ENTREP2: variants seen among roughly 807,000 people sequenced by gnomAD.
ENTREP2 encodes protein ENTREP2.
chr15:29,479,985 T>C, the ENTREP2 span, among the ~76,000 whole-genome samples: 40 of 152,238 alleles, frequency 2.6e-4, 1 homozygote, highest in African/African-American at 8.9e-4. Context: ...TCAACAGATA[T>C]ATCCCCTACT....
At chr15:29,664,009 C>G in the ENTREP2 span, among the ~76,000 whole-genome samples, 1 of 137,932 alleles carries the variant, frequency 7.2e-6, no homozygotes, top group African/African-American at 2.8e-5. Flanking sequence ...GCCTGGGCAA[C>G]AAGAGTGAAA....
the ENTREP2 span, among the ~76,000 whole-genome samples, chr15:29,576,784 TC>T: frequency 6.6e-6 from 1 of 152,156 alleles, no homozygotes. Context: ...TTCACACCCA[TC>T]AGGATAGCTA....
chr15:29,383,687 C>T, the ENTREP2 span, among the ~76,000 whole-genome samples: 1 of 152,164 alleles, frequency 6.6e-6, no homozygotes, highest in African/African-American at 2.4e-5. Context: ...TCAACCACCT[C>T]CACAGGGGGC....
the ENTREP2 span, among the ~76,000 whole-genome samples, chr15:29,567,943 A>G: frequency 6.6e-6 from 1 of 152,208 alleles, no homozygotes; most frequent in East Asian, 1.9e-4. Flanking sequence ...GGATTTCTTT[A>G]TGAAGCCAGC....
the ENTREP2 span, among the ~76,000 whole-genome samples, chr15:29,206,951 A>C: frequency 6.6e-6 from 1 of 152,244 alleles, no homozygotes; most frequent in South Asian, 2.1e-4. Flanking sequence ...ACCAATCAAA[A>C]CTACCTTCAC....
the ENTREP2 span, among the ~76,000 whole-genome samples, chr15:29,578,487 G>A: frequency 1.4e-4 from 22 of 152,270 alleles, no homozygotes; most frequent in Middle Eastern, 3.4e-3. Context: ...GTCTTTGTTC[G>A]TTAGGTTTAA....
the ENTREP2 span, among the ~76,000 whole-genome samples, chr15:29,279,879 T>C: frequency 6.6e-6 from 1 of 152,112 alleles, no homozygotes; most frequent in African/African-American, 2.4e-5. Flanking sequence ...GAAAGTCAGG[T>C]GGTGTGCCTT....
the ENTREP2 span, among the ~76,000 whole-genome samples, chr15:29,180,032 C>T: frequency 6.6e-6 from 1 of 152,044 alleles, no homozygotes; most frequent in African/African-American, 2.4e-5. Context: ...GAAGAAGAGT[C>T]TACAGAGACG....
At chr15:29,610,425 A>T in the ENTREP2 span, 1 of 150,588 alleles carries the variant, frequency 6.6e-6, no homozygotes, top group Non-Finnish European at 1.5e-5. Context: ...GCGATGCTTC[A>T]TTCCTGTTGG....
At chr15:29,630,607 T>C in the ENTREP2 span, among the ~76,000 whole-genome samples, 1 of 152,200 alleles carries the variant, frequency 6.6e-6, no homozygotes, top group Admixed American at 6.5e-5. Context: ...TCTGATGACA[T>C]AAACGCTAGT....
chr15:29,591,655 A>G, the ENTREP2 span, among the ~76,000 whole-genome samples: 1 of 152,054 alleles, frequency 6.6e-6, no homozygotes, highest in Non-Finnish European at 1.5e-5. Context: ...GCACTTTGAG[A>G]GGGAGACCCC....
At chr15:29,281,887 T>C in the ENTREP2 span, among the ~76,000 whole-genome samples, 1 of 152,202 alleles carries the variant, frequency 6.6e-6, no homozygotes, top group Non-Finnish European at 1.5e-5. Context: ...CGTGAAATGC[T>C]GCTCAAGTTC....
chr15:29,648,723 A>C, the ENTREP2 span, among the ~76,000 whole-genome samples: 2 of 152,162 alleles, frequency 1.3e-5, no homozygotes, highest in Non-Finnish European at 2.9e-5. Context: ...AGATCACCTG[A>C]GGTCAGGAGT....
At chr15:29,224,462 T>C in the ENTREP2 span, among the ~76,000 whole-genome samples, 9 of 152,258 alleles carry the variant, frequency 5.9e-5, no homozygotes, top group East Asian at 1.5e-3. Context: ...ATCCTGCTGA[T>C]TGGTCCATTT....
At chr15:29,516,710 C>T in the ENTREP2 span, among the ~76,000 whole-genome samples, 1 of 152,002 alleles carries the variant, frequency 6.6e-6, no homozygotes, top group Non-Finnish European at 1.5e-5. Context: ...GCTGTAGCTC[C>T]ATGTTATGAA....
chr15:29,559,798 C>T, the ENTREP2 span, among the ~76,000 whole-genome samples: 1 of 152,140 alleles, frequency 6.6e-6, no homozygotes, highest in South Asian at 2.1e-4. Flanking sequence ...GATCCTTAAC[C>T]GAATCACATC....
the ENTREP2 span, among the ~76,000 whole-genome samples, chr15:29,125,244 G>A: frequency 1.3e-5 from 2 of 152,232 alleles, no homozygotes; most frequent in Non-Finnish European, 2.9e-5. Flanking sequence ...CCAAACCTCA[G>A]TGAGTGAATG....
At chr15:29,402,793 G>C in the ENTREP2 span, among the ~76,000 whole-genome samples, 39 of 152,120 alleles carry the variant, frequency 2.6e-4, no homozygotes, top group Non-Finnish European at 4.0e-4. Flanking sequence ...GTGAGATTTT[G>C]GCTTCCTCTT....
chr15:29,368,914 G>A, the ENTREP2 span, among the ~76,000 whole-genome samples: 3 of 151,968 alleles, frequency 2.0e-5, no homozygotes, highest in South Asian at 6.2e-4. Flanking sequence ...ATTATAGATT[G>A]AAAAGTACGA....
Sources: allele counts gnomAD v4.1 joint callset (sites outside exome capture counted in the v4.1 genomes callset), GRCh38; gene constraint gnomAD v4.1.1; transcripts MANE v1.5; gene names NCBI Gene and HGNC (gene_info 2026-07-23, HGNC 2026-07-21).